The following DGKB variants were observed in gnomAD, a reference collection of about 807,000 sequenced individuals.
DGKB encodes the protein 90 kDa diacylglycerol kinase.
Under a neutral mutation model 114.3 loss-of-function variants are expected in DGKB, and 67 were observed. The observed-to-expected ratio is 0.59, with a 90% CI of 0.48 to 0.72. DGKB has a LOEUF of 0.72. DGKB is among the 30% of genes least tolerant of loss of function. The pLI, the probability that DGKB is intolerant of heterozygous loss-of-function variation, is 0.00. For missense variants in DGKB, 907 were observed against 975.2 expected (o/e 0.93, Z 0.93); for synonymous variants, 398 against 323.1 (o/e 1.23, Z -2.49).
intron 20 of DGKB, among the ~76,000 whole-genome samples, chr7:14,540,568 C>A (rs1053647785): frequency 1.3e-5 from 2 of 152,216 alleles, no homozygotes; most frequent in Non-Finnish European, 2.9e-5. Context: ...AAAGTCATCA[C>A]AGTTGCTAAT....
At chr7:14,487,526 T>C (rs1193517581) in intron 20 of DGKB, among the ~76,000 whole-genome samples, 1 of 152,024 alleles carries the variant, frequency 6.6e-6, no homozygotes, top group East Asian at 1.9e-4. Flanking sequence ...TATTTAATTA[T>C]GCCTACTGCC....
chr7:14,725,823 C>T (rs1268462127), intron 5 of DGKB, among the ~76,000 whole-genome samples: 3 of 152,120 alleles, frequency 2.0e-5, no homozygotes, highest in Admixed American at 6.5e-5. Flanking sequence ...GCTGGGATTA[C>T]AGGGGTGAGC....
chr7:14,476,543 A>C (rs899885896), intron 21 of DGKB, among the ~76,000 whole-genome samples: 1 of 152,130 alleles, frequency 6.6e-6, no homozygotes, highest in Non-Finnish European at 1.5e-5. Flanking sequence ...AAGCAACCAG[A>C]GTTATAAAAT....
intron 21 of DGKB, among the ~76,000 whole-genome samples, chr7:14,465,295 T>C (rs1833666775): frequency 6.6e-6 from 1 of 151,984 alleles, no homozygotes; most frequent in Admixed American, 6.6e-5. Context: ...AGAACTATAA[T>C]AAATATTTCT....
At chr7:14,259,654 G>A (rs1796474665) in intron 23 of DGKB, among the ~76,000 whole-genome samples, 1 of 152,056 alleles carries the variant, frequency 6.6e-6, no homozygotes, top group African/African-American at 2.4e-5. Context: ...TTGAACTCCT[G>A]GCCTCAGGTG....
At chr7:14,678,236 G>A (rs1313286696) in intron 12 of DGKB, among the ~76,000 whole-genome samples, 1 of 152,038 alleles carries the variant, frequency 6.6e-6, no homozygotes, top group Non-Finnish European at 1.5e-5. Context: ...ACAAGCAACA[G>A]GAGCGGGCCA....
At chr7:14,656,041 A>G (rs1815712705) in intron 13 of DGKB, among the ~76,000 whole-genome samples, 1 of 151,718 alleles carries the variant, frequency 6.6e-6, no homozygotes, top group African/African-American at 2.4e-5. Flanking sequence ...AATATTTCCA[A>G]TACGAAGAAA....
At chr7:14,800,667 G>A (rs559906488) in intron 2 of DGKB, among the ~76,000 whole-genome samples, 1 of 152,266 alleles carries the variant, frequency 6.6e-6, no homozygotes, top group Non-Finnish European at 1.5e-5. Context: ...TAGAGGTTTG[G>A]TTCTAGAGGG....
intron 2 of DGKB, among the ~76,000 whole-genome samples, chr7:14,790,811 G>A (rs757982060): frequency 3.8e-4 from 58 of 151,964 alleles, no homozygotes; most frequent in Admixed American, 5.2e-4. Flanking sequence ...TTTAGCATAC[G>A]CTTTAAATAA....
At chr7:14,604,340 G>C (rs1804086231) in intron 17 of DGKB, among the ~76,000 whole-genome samples, 1 of 151,940 alleles carries the variant, frequency 6.6e-6, no homozygotes. Flanking sequence ...AATAGTTTTA[G>C]TTCAAGAAAG....
chr7:14,381,898 T>A (rs184941155), intron 21 of DGKB, among the ~76,000 whole-genome samples: 1 of 152,328 alleles, frequency 6.6e-6, no homozygotes, highest in Admixed American at 6.5e-5. Context: ...TAAGGAGGAA[T>A]AGCACCCAAA....
At chr7:14,427,680 C>G (rs1827785590) in intron 21 of DGKB, among the ~76,000 whole-genome samples, 1 of 152,120 alleles carries the variant, frequency 6.6e-6, no homozygotes, top group Non-Finnish European at 1.5e-5. Flanking sequence ...TGGTGGCAGA[C>G]AAGAGAAGAG....
chr7:14,640,336 TGG>T (rs1811524112), intron 13 of DGKB, among the ~76,000 whole-genome samples: 1 of 152,110 alleles, frequency 6.6e-6, no homozygotes, highest in African/African-American at 2.4e-5. Context: ...ATATACGCAT[TGG>T]GTGGCTCAAG....
intron 17 of DGKB, among the ~76,000 whole-genome samples, chr7:14,587,800 T>A (rs1446897290): frequency 3.3e-5 from 5 of 152,170 alleles, no homozygotes; most frequent in Non-Finnish European, 7.4e-5. Flanking sequence ...AATGAATTAT[T>A]TTTAAATTAA....
chr7:14,917,567 C>G (rs1784304107), intron 1 of DGKB, among the ~76,000 whole-genome samples: 1 of 151,880 alleles, frequency 6.6e-6, no homozygotes, highest in East Asian at 1.9e-4. Context: ...TATAAAAACT[C>G]ACATAAGCAG....
At chr7:14,821,267 C>T (rs1042182004) in intron 2 of DGKB, among the ~76,000 whole-genome samples, 2 of 151,948 alleles carry the variant, frequency 1.3e-5, no homozygotes, top group African/African-American at 4.8e-5. Flanking sequence ...TTATTGAGTG[C>T]CTATTATATA....
chr7:14,949,335 G>C (rs932806435), intron 1 of DGKB, among the ~76,000 whole-genome samples: 9 of 151,798 alleles, frequency 5.9e-5, no homozygotes, highest in African/African-American at 2.2e-4. Flanking sequence ...GTATTAAATT[G>C]GTACGAGTAT....
chr7:14,729,030 A>T (rs139620810), intron 5 of DGKB, among the ~76,000 whole-genome samples: 1 of 151,446 alleles, frequency 6.6e-6, no homozygotes, highest in Non-Finnish European at 1.5e-5. Flanking sequence ...ATTTTTGCCA[A>T]TACTACTTAC....
Position 14,151,503 on chromosome 7 carries a change from A to AAATAGCACAGTATCT in DGKB, c.2305-2280_2305-2266dup, listed in dbSNP as rs1401473892. 2.0e-5 allele frequency among the ~76,000 whole-genome samples: 3 copies of AAATAGCACAGTATCT among 152,134 alleles called. No homozygotes were observed. The Middle Eastern group carries it at 0.01, about 517-fold the overall frequency. On this transcript the variant is annotated intron_variant, in intron 25 of 25. Transcript: ENST00000402815. The stretch of plus-strand genomic sequence containing the variant: ...ATTACATGATTTTATGCCTTTGAAA[A>AAATAGCACAGTATCT]AATAGCACAGTATCTCATTCAGTGC...
Sources: gnomAD v4.1 joint callset for allele counts (sites outside exome capture counted in the v4.1 genomes callset) on GRCh38, gnomAD v4.1.1 for gene constraint, MANE v1.5 for transcripts, NCBI Gene and HGNC (gene_info 2026-07-23, HGNC 2026-07-21) for gene names.